TPGS2: variants seen among roughly 807,000 people sequenced by gnomAD.
TPGS2 encodes polyglutamylase subunit 2.
In TPGS2, 26 loss-of-function variants were observed where a neutral mutation model predicts 31.1. The ratio of observed to expected loss-of-function variants is 0.84; its 90% CI spans 0.61 to 1.16. TPGS2 has a LOEUF of 1.16. Ranked by LOEUF, TPGS2 falls within the 50% of genes most tolerant of loss-of-function variation. The probability of loss-of-function intolerance (pLI) is 0.00; values close to 1 mark genes in which losing one functional copy is unlikely to be tolerated. For missense variants in TPGS2, 351 were observed against 363.8 expected, an observed-to-expected ratio of 0.96 and a Z score of 0.29; for synonymous variants, 130 against 136.6, an observed-to-expected ratio of 0.95 and a Z score of 0.34.
chr18:36,791,936 G>A (rs1038538437), downstream of TPGS2, among the ~76,000 whole-genome samples: 1 of 151,334 alleles, frequency 6.6e-6, no homozygotes, highest in Admixed American at 6.6e-5. Context: ...AAACAGGTGG[G>A]AGTATTGCTT....
At chr18:36,800,986 G>A (rs2044784608) in intron 4 of TPGS2, among the ~76,000 whole-genome samples, 2 of 152,070 alleles carry the variant, frequency 1.3e-5, no homozygotes, top group South Asian at 2.1e-4. Flanking sequence ...CACCGCGCCC[G>A]GTCAGAACCA....
At chr18:36,817,433 CTTTT>C (rs111810411) in intron 2 of TPGS2, among the ~76,000 whole-genome samples, 1 of 141,106 alleles carries the variant, frequency 7.1e-6, no homozygotes, top group Non-Finnish European at 1.5e-5. Context: ...TTCTTTCTTT[CTTTT>C]TTTTTTTTTT....
intron 4 of TPGS2, among the ~76,000 whole-genome samples, chr18:36,802,290 T>A (rs1484932973): frequency 6.6e-6 from 1 of 152,174 alleles, no homozygotes; most frequent in African/African-American, 2.4e-5. Context: ...AGTTGAAAAG[T>A]TGTAAGAACA....
At chr18:36,813,276 C>G (rs1444555096) in intron 2 of TPGS2, among the ~76,000 whole-genome samples, 1 of 152,082 alleles carries the variant, frequency 6.6e-6, no homozygotes, top group Non-Finnish European at 1.5e-5. Flanking sequence ...GCTTCTGCAT[C>G]CAAGGGAGGA....
intron 4 of TPGS2, among the ~76,000 whole-genome samples, chr18:36,801,197 G>A (rs530725270): frequency 2.6e-5 from 4 of 152,226 alleles, no homozygotes; most frequent in South Asian, 2.1e-4. Context: ...CATTATATGC[G>A]ACAGATTCCC....
intron 1 of TPGS2, 83 bp downstream of exon 1, chr18:36,828,600 G>A (rs919340130): frequency 3.5e-5 from 51 of 1,478,076 alleles, no homozygotes; most frequent in Non-Finnish European, 3.8e-5. Flanking sequence ...GGCCAGCGTC[G>A]CACCGCTCAC....
intron 4 of TPGS2, among the ~76,000 whole-genome samples, chr18:36,802,429 A>C (rs574292724): frequency 6.6e-6 from 1 of 152,294 alleles, no homozygotes; most frequent in East Asian, 1.9e-4. Flanking sequence ...TTACCTGCAG[A>C]GTCTTGCTCT....
At chr18:36,781,132 C>T (rs1302703336), downstream of TPGS2, among the ~76,000 whole-genome samples, 1 of 152,130 alleles carries the variant, frequency 6.6e-6, no homozygotes. Context: ...CAGCTGAGAT[C>T]AGATGGGAAG....
intron 4 of TPGS2, 124 bp downstream of exon 4, chr18:36,805,250 A>C: frequency 2.6e-6 from 3 of 1,147,876 alleles, no homozygotes; most frequent in Non-Finnish European, 3.8e-6. Context: ...CTTGATACTG[A>C]AATGTTGAGT....
rs746564885 is a variant in TPGS2 at position 36,796,912 on chromosome 18, G to T, written c.796C>A (p.Pro266Thr). 2 of 1,610,354 alleles carry T rather than the reference G, an allele frequency of 1.2e-6. No individual in the cohort carries two copies. The highest frequency in any genetic ancestry group is 1.7e-5 in the Admixed American group (1 of 59,188). ...NKIVIPKKKG[P>T]VQPAGGQKGP... ...TTCTGGCCACCTGCAGGCTGCACAG[G>T]CCCTTTCTTTTTTGGGATTACGATC... The change falls in exon 7 of 7, where the codon CCT (proline) becomes ACT (threonine). Residue 266 changes from proline (P) to threonine (T), a missense_variant. Physicochemically the swap from Pro to Thr is conservative, Grantham distance 38. Coordinates refer to ENST00000334295, the MANE Select transcript of TPGS2 (RefSeq NM_015476.4).
intron 1 of TPGS2, among the ~76,000 whole-genome samples, chr18:36,822,600 T>C (rs868742826): frequency 2.0e-5 from 3 of 152,186 alleles, no homozygotes; most frequent in African/African-American, 7.2e-5. Context: ...CATAAACCTA[T>C]GTGTATATAC....
At position 36,794,879 on chromosome 18, in the gene TPGS2, ACAC is replaced by A. The variant is rs2044454070; in HGVS notation, c.*1923_*1925del. ...CACACACACACACACACACACACAC[ACAC>A]GTTTAAATGACCACACTGAATTATA... On this transcript the variant is annotated 3_prime_UTR_variant, in exon 7 of 7. Transcript: ENST00000334295. The A allele has an allele frequency of 2.1e-6, 2 of 971,424 alleles. No individual in the cohort carries two copies. Among genetic ancestry groups the A allele is most frequent in the Non-Finnish European group, 2.4e-6 (2 of 823,238 alleles). The allele number at this position is 971,424 out of a possible 1,614,324, so 60.2% of individuals were successfully genotyped here. A position where few individuals can be genotyped will look rare whatever the true frequency, so the allele number is the denominator to read the frequency against.
At position 36,795,794 on chromosome 18, in the gene TPGS2, T is replaced by C. The variant is rs950164755; in HGVS notation, c.*1011A>G. The C allele has an allele frequency of 5.1e-6, 5 of 985,332 alleles. No individual in the cohort carries two copies. In the African/African-American group the frequency reaches 8.7e-5, roughly 17 times the overall value. 61.0% of individuals were successfully genotyped at this position (985,332 alleles called of 1,614,324 possible). A position where few individuals can be genotyped will look rare whatever the true frequency, so the allele number is the denominator to read the frequency against. ...AGCAGGAGACTGCTTGTCCTAAGGATGGCCAGGGACCAGGCAAAGTGAGGC... is the reference window on the plus strand; with the variant it reads ...AGCAGGAGACTGCTTGTCCTAAGGACGGCCAGGGACCAGGCAAAGTGAGGC... On this transcript the variant is annotated 3_prime_UTR_variant, in exon 7 of 7. Transcript: ENST00000334295.
intron 6 of TPGS2, chr18:36,798,232 T>C: frequency 7.2e-7 from 1 of 1,389,064 alleles, no homozygotes; most frequent in South Asian, 1.8e-5. Context: ...CCCAGTTAAT[T>C]CTGAGAATCA....
In TPGS2 at chr18:36,828,822, C is replaced by T. The variant is rs1168419556; in HGVS notation, c.-55G>A. On this transcript the variant is annotated 5_prime_UTR_variant, in exon 1 of 7. Coordinates refer to ENST00000334295, the MANE Select transcript of TPGS2 (RefSeq NM_015476.4). ...GAGCGGGTGGAGGGCCGGACCCCGC[C>T]TCAGCGCCGAGGCCAATTTCATGGC... is the stretch of plus-strand genomic sequence containing the variant. 1 of 1,594,924 alleles carries T rather than the reference C, an allele frequency of 6.3e-7. No individual in the cohort carries two copies. Among genetic ancestry groups the T allele is most frequent in the African/African-American group, 1.3e-5 (1 of 74,596 alleles).
chr18:36,813,156 C>G (rs1198342054), intron 2 of TPGS2, among the ~76,000 whole-genome samples: 2 of 152,262 alleles, frequency 1.3e-5, no homozygotes, highest in Non-Finnish European at 2.9e-5. Context: ...CAAACATATT[C>G]CTAATTTAAA....
intron 1 of TPGS2, among the ~76,000 whole-genome samples, chr18:36,827,073 T>C (rs545467171): frequency 4.6e-5 from 7 of 152,262 alleles, no homozygotes; most frequent in Admixed American, 3.3e-4. Context: ...GGTCTTGCTA[T>C]GTTGTCCAGC....
chr18:36,826,083 G>A (rs1474577728), intron 1 of TPGS2, among the ~76,000 whole-genome samples: 7 of 152,018 alleles, frequency 4.6e-5, no homozygotes, highest in African/African-American at 1.7e-4. Context: ...TGTTGCCCGG[G>A]CTGGAGTGCT....
chr18:36,814,128 A>T (rs534183981), intron 2 of TPGS2, among the ~76,000 whole-genome samples: 6 of 152,274 alleles, frequency 3.9e-5, no homozygotes, highest in Admixed American at 6.5e-5. Flanking sequence ...GGGTGTAACC[A>T]ATCAAGAATT....
Sources: gnomAD v4.1 joint callset for allele counts (sites outside exome capture counted in the v4.1 genomes callset) on GRCh38, gnomAD v4.1.1 for gene constraint, MANE v1.5 for transcripts, NCBI Gene and HGNC (gene_info 2026-07-23, HGNC 2026-07-21) for gene names.